The following VAV1 variants were observed in gnomAD, a reference collection of about 807,000 sequenced individuals.
VAV1 encodes the protein vav guanine nucleotide exchange factor 1, also known as proto-oncogene vav.
VAV1 carries 33 observed loss-of-function variants against 128.1 expected under a neutral mutation model. The observed-to-expected ratio is 0.26, with a 90% CI of 0.20 to 0.34. The LOEUF (loss-of-function observed/expected upper bound fraction) is 0.34. Ranked by LOEUF, VAV1 falls within the 10% of genes least tolerant of loss-of-function variation. VAV1 has a pLI of 1.00. For missense variants in VAV1, 715 were observed against 1,093.7 expected, an observed-to-expected ratio of 0.65 and a Z score of 4.88; for synonymous variants, 394 against 409.8, an observed-to-expected ratio of 0.96 and a Z score of 0.47.
At chr19:6,829,048 A>C (rs939922522) in intron 13 of VAV1, 148 bp downstream of exon 13, 80 of 901,126 alleles carry the variant, frequency 8.9e-5, no homozygotes, top group Non-Finnish European at 1.2e-4. Flanking sequence ...AGGTGGGTGG[A>C]GTCGACATAG....
chr19:6,836,259 TA>T, intron 19 of VAV1, 172 bp from the exon 20 acceptor site: 2 of 802,636 alleles, frequency 2.5e-6, no homozygotes, highest in South Asian at 3.8e-5. Flanking sequence ...CAAATAGTTT[TA>T]CAAAGAGTAT....
rs1248163658 is a variant in VAV1 at position 6,825,402 on chromosome 19, G to A, written c.823G>A (p.Glu275Lys). The A allele has an allele frequency of 8.7e-6, 14 of 1,611,994 alleles. No individual in the cohort carries two copies. Among genetic ancestry groups the A allele is most frequent in the Non-Finnish European group, 1.0e-5 (12 of 1,178,546 alleles). Residue 275 changes from glutamate (E) to lysine (K), a missense_variant, in exon 8 of 27, where the codon GAG (glutamate) becomes AAG (lysine). Physicochemically the swap from Glu to Lys is moderately conservative, Grantham distance 56. This residue lies in a region of VAV1 where 302 missense variants were observed against 477.8 expected (regional missense o/e 0.63). Coordinates refer to ENST00000602142, the MANE Select transcript of VAV1 (RefSeq NM_005428.4). ...NLYQVFIKYK[E>K]RFLVYGRYCS... is the part of the protein sequence containing the mutation. The stretch of plus-strand genomic sequence containing the variant: ...CTACCAGGTCTTCATCAAATACAAG[G>A]AGAGGTGAGACCCAGCTGGCCAGAC...
chr19:6,772,740 C>T lies in VAV1; in HGVS notation c.-68C>T. On this transcript the variant is annotated 5_prime_UTR_variant, in exon 1 of 27. Coordinates refer to ENST00000602142, the MANE Select transcript of VAV1 (RefSeq NM_005428.4). The surrounding 1 kb of genome is among the most constrained non-coding windows in gnomAD (Gnocchi z 4.8). ...GCTGTCGCTCCACAGGCGAGCAGGGCAGGCGTGCGGGCGGGTGGGTGGTGG... is the reference window on the plus strand; with the variant it reads ...GCTGTCGCTCCACAGGCGAGCAGGGTAGGCGTGCGGGCGGGTGGGTGGTGG... 6.6e-7 allele frequency: 1 copy of T among 1,525,216 alleles called. No individual in the cohort carries two copies. The highest frequency in any genetic ancestry group is 8.9e-7 in the Non-Finnish European group (1 of 1,123,604). 94.5% of individuals were successfully genotyped at this position (1,525,216 alleles called of 1,614,324 possible).
chr19:6,825,110 A>G lies in VAV1; in HGVS notation c.712A>G (p.Ile238Val). ...ACCTCAAGACATTGAGATCATCTTT[A>G]TCAACATTGAGGTGAGCCGGCCGAT... ...LKPQDIEIIF[I>V]NIEDLLRVHT... The change falls in exon 7 of 27, where the codon ATC (isoleucine) becomes GTC (valine). Residue 238 changes from isoleucine to valine, a missense_variant. Coordinates refer to ENST00000602142, the MANE Select transcript of VAV1 (RefSeq NM_005428.4). 6.2e-7 allele frequency: 1 copy of G among 1,612,596 alleles called. No homozygotes were observed. Among genetic ancestry groups the G allele is most frequent in the African/African-American group, 1.3e-5 (1 of 74,964 alleles).
At chr19:6,848,644 C>G (rs1972586883) in intron 23 of VAV1, among the ~76,000 whole-genome samples, 1 of 152,014 alleles carries the variant, frequency 6.6e-6, no homozygotes, top group African/African-American at 2.4e-5. Flanking sequence ...CTCAAGTGAT[C>G]CACCCGCCTC....
In VAV1 at chr19:6,825,258, G is replaced by A; in HGVS notation, c.724-45G>A. The stretch of plus-strand genomic sequence containing the variant: ...ATGACCCTTTCCTTCCTGGCCCCCT[G>A]AGCCCTGGGCTCTGGTCCCAGCCCT... On this transcript the variant is annotated intron_variant, in intron 7 of 26. Coordinates refer to ENST00000602142, the MANE Select transcript of VAV1 (RefSeq NM_005428.4). 5 of 1,591,068 alleles carry A rather than the reference G, an allele frequency of 3.1e-6. No homozygotes were observed. In the East Asian group the frequency reaches 1.1e-4, roughly 36 times the overall value.
intron 1 of VAV1, among the ~76,000 whole-genome samples, chr19:6,787,693 C>T (rs1970925126): frequency 6.6e-6 from 1 of 151,958 alleles, no homozygotes; most frequent in Non-Finnish European, 1.5e-5. Flanking sequence ...AACTTCTGGG[C>T]TCAGGAGATT....
intron 16 of VAV1, 57 bp downstream of exon 16, chr19:6,833,342 G>A (rs912522008): frequency 4.2e-5 from 65 of 1,533,542 alleles, no homozygotes; most frequent in Non-Finnish European, 5.6e-5. Context: ...TTCCTTGCTA[G>A]AGAAGATGGC....
chr19:6,773,946 A>G (rs1349335074), intron 1 of VAV1, among the ~76,000 whole-genome samples: 1 of 151,968 alleles, frequency 6.6e-6, no homozygotes, highest in Non-Finnish European at 1.5e-5. Context: ...TGGGGGACAC[A>G]GTCCTGCCCT....
chr19:6,845,009 A>G (rs1273243191), intron 22 of VAV1, among the ~76,000 whole-genome samples: 1 of 152,112 alleles, frequency 6.6e-6, no homozygotes, highest in East Asian at 1.9e-4. Flanking sequence ...ATGTTTGTTC[A>G]TCATGGTTTC....
intron 1 of VAV1, among the ~76,000 whole-genome samples, chr19:6,814,804 G>C (rs1421496250): frequency 6.6e-5 from 10 of 150,648 alleles, no homozygotes; most frequent in Non-Finnish European, 1.5e-4. Flanking sequence ...AATGGTGATA[G>C]CAGGTTCCGT....
intron 1 of VAV1, among the ~76,000 whole-genome samples, chr19:6,809,872 A>T (rs952787822): frequency 5.9e-5 from 9 of 152,058 alleles, no homozygotes; most frequent in Admixed American, 5.2e-4. Flanking sequence ...GGAGGATTCA[A>T]TGAATCCTCC....
intron 26 of VAV1, among the ~76,000 whole-genome samples, chr19:6,856,097 C>A (rs1336574097): frequency 2.6e-5 from 4 of 152,072 alleles, no homozygotes; most frequent in Non-Finnish European, 5.9e-5. Flanking sequence ...GAGTTTGAGA[C>A]CCGCCTGGCC....
At chr19:6,838,000 T>C (rs899983813) in intron 21 of VAV1, among the ~76,000 whole-genome samples, 2 of 152,296 alleles carry the variant, frequency 1.3e-5, no homozygotes, top group Non-Finnish European at 2.9e-5. Flanking sequence ...CAAGTTACAA[T>C]AGGAATTTCC....
chr19:6,796,280 A>C (rs1971133921), intron 1 of VAV1, among the ~76,000 whole-genome samples: 4 of 152,148 alleles, frequency 2.6e-5, no homozygotes. Flanking sequence ...AATACTTCAA[A>C]GGCTTCAAAA....
intron 21 of VAV1, among the ~76,000 whole-genome samples, chr19:6,840,303 C>T (rs111301693): frequency 0.03 from 3,752 of 124,076 alleles, 173 homozygotes; most frequent in African/African-American, 0.098. Context: ...AATTTTCTTT[C>T]TTTTTTTTTT....
In VAV1 at chr19:6,828,445, G is replaced by C; in HGVS notation, c.1050G>C (p.Ala350=). Residue 350 remains alanine (A), a synonymous_variant, in exon 11 of 27, where the codon GCG becomes GCC. Transcript: ENST00000602142. The surrounding 1 kb of genome is among the most constrained non-coding windows in gnomAD (Gnocchi z 4.5). ...AGCTGGTGAAACACACGCAGGAGGCGATGGAGAAGGAGAACCTGCGGCTGG... is the reference window on the plus strand; with the variant it reads ...AGCTGGTGAAACACACGCAGGAGGCCATGGAGAAGGAGAACCTGCGGCTGG... The part of the protein sequence containing the change: ...LQELVKHTQE[A]MEKENLRLAL... 6.2e-7 allele frequency: 1 copy of C among 1,614,184 alleles called. No homozygotes were observed. Among genetic ancestry groups the C allele is most frequent in the South Asian group, 1.1e-5 (1 of 91,080 alleles).
Position 6,828,850 on chromosome 19 carries a change from C to T in VAV1, c.1215C>T (p.Ile405=), listed in dbSNP as rs1453178980. The T allele has an allele frequency of 1.9e-6, 3 of 1,613,992 alleles. No individual in the cohort carries two copies. The highest frequency in any genetic ancestry group is 1.6e-4 in the Middle Eastern group (1 of 6,084). Residue 405 remains isoleucine, a synonymous_variant, in exon 13 of 27, where the codon ATC becomes ATT. Transcript: ENST00000602142. This position sits in a 1 kb window ranked among gnomAD's most constrained non-coding sequence, Gnocchi z 4.5. ...TGGCTCACTATGGCCGGCCCAAGATCGACGGGGAACTCAAGATCACCTCGG... is the reference window on the plus strand; with the variant it reads ...TGGCTCACTATGGCCGGCCCAAGATTGACGGGGAACTCAAGATCACCTCGG... ...QSLAHYGRPK[I]DGELKITSVE...
intron 1 of VAV1, among the ~76,000 whole-genome samples, chr19:6,793,333 C>CAA (rs201027298): frequency 3.4e-5 from 5 of 147,840 alleles, no homozygotes; most frequent in South Asian, 4.3e-4. Flanking sequence ...GACTCCATCT[C>CAA]AAAAAGAAAG....
Sources: allele counts gnomAD v4.1 joint callset (sites outside exome capture counted in the v4.1 genomes callset), GRCh38; gene constraint gnomAD v4.1.1; regional missense constraint gnomAD v4.1.1; non-coding constraint Gnocchi (gnomAD v3.1); transcripts MANE v1.5; gene names NCBI Gene and HGNC (gene_info 2026-07-23, HGNC 2026-07-21).